DCUN1D5: variants seen among roughly 807,000 people sequenced by gnomAD.
The protein encoded by DCUN1D5 is DCN1-like protein 5.
DCUN1D5 carries 10 observed loss-of-function variants against 38.3 expected under a neutral mutation model. The observed-to-expected ratio is 0.26, with a 90% CI of 0.16 to 0.44. DCUN1D5 has a LOEUF of 0.44. DCUN1D5 is among the 20% of genes least tolerant of loss of function. The probability of loss-of-function intolerance (pLI) is 1.00; values close to 1 mark genes in which losing one functional copy is unlikely to be tolerated. For missense variants in DCUN1D5, 148 were observed against 275.3 expected, an observed-to-expected ratio of 0.54 and a Z score of 3.27; for synonymous variants, 93 against 90.9, an observed-to-expected ratio of 1.02 and a Z score of -0.13.
chr11:103,057,459 T>G lies in DCUN1D5; in HGVS notation c.*4900A>C, dbSNP rs1861900659. On this transcript the variant is annotated 3_prime_UTR_variant, in exon 8 of 8. Coordinates refer to ENST00000260247, the MANE Select transcript of DCUN1D5 (RefSeq NM_032299.4). The surrounding 1 kb of genome is among the most constrained non-coding windows in gnomAD (Gnocchi z 4.8). Reference sequence around the variant, plus strand: ...TGGCTCACACCTGTAATCCCAGCACTTTGGGAGTCTGAGGTGGGTGGGATC... The same window carrying G: ...TGGCTCACACCTGTAATCCCAGCACGTTGGGAGTCTGAGGTGGGTGGGATC... Among the ~76,000 whole-genome samples the G allele has an allele frequency of 6.6e-6, 1 of 152,024 alleles. No homozygotes were observed. Among genetic ancestry groups the G allele is most frequent in the African/African-American group, 2.4e-5 (1 of 41,374 alleles).
Position 103,057,893 on chromosome 11 carries a change from G to C in DCUN1D5, c.*4466C>G, listed in dbSNP as rs1861913108. Among the ~76,000 whole-genome samples the C allele has an allele frequency of 1.3e-5, 2 of 152,032 alleles. No homozygotes were observed. Among genetic ancestry groups the C allele is most frequent in the South Asian group, 4.1e-4 (2 of 4,824 alleles). On this transcript the variant is annotated 3_prime_UTR_variant, in exon 8 of 8. Coordinates refer to ENST00000260247, the MANE Select transcript of DCUN1D5 (RefSeq NM_032299.4). This position sits in a 1 kb window ranked among gnomAD's most constrained non-coding sequence, Gnocchi z 4.8. ...TAAAACCAAACCCATGAAGTATGTGGAAAAAATTCATTAATATCTTAAAGC... is the reference window on the plus strand; with the variant it reads ...TAAAACCAAACCCATGAAGTATGTGCAAAAAATTCATTAATATCTTAAAGC...
Position 103,091,627 on chromosome 11 carries a change from G to T in DCUN1D5, c.86+160C>A, listed in dbSNP as rs1250000608. The stretch of plus-strand genomic sequence containing the variant: ...ACACTCGAACACGAGGTCGGGTCGG[G>T]CGCGGAGACTCGCGGTGTTCGGCAC... On this transcript the variant is annotated intron_variant, in intron 1 of 7. Coordinates refer to ENST00000260247, the MANE Select transcript of DCUN1D5 (RefSeq NM_032299.4). The surrounding 1 kb of genome is among the most constrained non-coding windows in gnomAD (Gnocchi z 4.3). 8.2e-6 allele frequency: 11 copies of T among 1,337,684 alleles called. 1 individual carries two copies. In the East Asian group the frequency reaches 2.5e-4, roughly 30 times the overall value. 82.9% of individuals were successfully genotyped at this position (1,337,684 alleles called of 1,614,324 possible).
rs777082708 is a variant in DCUN1D5 at position 103,053,602 on chromosome 11, CAAAT to C, written c.*8753_*8756del. 9 of 151,370 alleles carry C rather than the reference CAAAT, an allele frequency of 5.9e-5. No homozygotes were observed. The highest frequency in any genetic ancestry group is 1.9e-4 in the East Asian group (1 of 5,144). 9.4% of individuals were successfully genotyped at this position (151,370 alleles called of 1,614,324 possible). ...ATATCATACTATCACATGTACCCCC[CAAAT>C]AAATACATTATGTATCAATGAATTT... is the stretch of plus-strand genomic sequence containing the variant. On this transcript the variant is annotated 3_prime_UTR_variant, in exon 8 of 8. Transcript: ENST00000260247. This position sits in a 1 kb window ranked among gnomAD's most constrained non-coding sequence, Gnocchi z 4.8.
rs377589968 is a variant in DCUN1D5 at position 103,091,502 on chromosome 11, G to A, written c.86+285C>T. 1 of 403,768 alleles carries A rather than the reference G, an allele frequency of 2.5e-6. No homozygotes were observed. Among genetic ancestry groups the A allele is most frequent in the Non-Finnish European group, 4.6e-6 (1 of 218,662 alleles). The allele number at this position is 403,768 out of a possible 1,614,324, so 25.0% of individuals were successfully genotyped here. A position where few individuals can be genotyped will look rare whatever the true frequency, so the allele number is the denominator to read the frequency against. Reference sequence around the variant, plus strand: ...TGTGGGGTGGGGGTGGGGGTGGGGGGAAGCGCAATTTACATATGCATCTGT... The same window carrying A: ...TGTGGGGTGGGGGTGGGGGTGGGGGAAAGCGCAATTTACATATGCATCTGT... On this transcript the variant is annotated intron_variant, in intron 1 of 7. Coordinates refer to ENST00000260247, the MANE Select transcript of DCUN1D5 (RefSeq NM_032299.4). This position sits in a 1 kb window ranked among gnomAD's most constrained non-coding sequence, Gnocchi z 4.3.
intron 4 of DCUN1D5, 116 bp downstream of exon 4, chr11:103,082,632 A>G (rs1340098843): frequency 1.4e-6 from 1 of 707,044 alleles, no homozygotes; most frequent in East Asian, 2.7e-5. Context: ...TAATTGTTAT[A>G]GATCAAACAG....
Position 103,066,181 on chromosome 11 carries a change from C to T in DCUN1D5, c.555+88G>A, listed in dbSNP as rs1188258001. On this transcript the variant is annotated intron_variant, in intron 6 of 7. Coordinates refer to ENST00000260247, the MANE Select transcript of DCUN1D5 (RefSeq NM_032299.4). The surrounding 1 kb of genome is among the most constrained non-coding windows in gnomAD (Gnocchi z 4.7). The stretch of plus-strand genomic sequence containing the variant: ...TTCTCTAAAGTTTTTTTAAAGCATA[C>T]TATTAAAAATCTACTTGTTCCTCAA... 2.6e-6 allele frequency: 2 copies of T among 783,784 alleles called. No homozygotes were observed. Among genetic ancestry groups the T allele is most frequent in the South Asian group, 5.6e-5 (2 of 35,724 alleles). The allele number at this position is 783,784 out of a possible 1,614,324, so 48.6% of individuals were successfully genotyped here. A position where few individuals can be genotyped will look rare whatever the true frequency, so the allele number is the denominator to read the frequency against.
rs142496367 is a variant in DCUN1D5, at chr11:103,079,110, C to T, written c.341+3638G>A. Among the ~76,000 whole-genome samples the T allele has an allele frequency of 1.7e-4, 26 of 152,264 alleles. No homozygotes were observed. The East Asian group carries it at 4.3e-3, about 25-fold the overall frequency. ...GCGGCATTCGATTCTCACAGGAATG[C>T]GAACCCTATTGTGAACTGTGCGTGC... On this transcript the variant is annotated intron_variant, in intron 4 of 7. Coordinates refer to ENST00000260247, the MANE Select transcript of DCUN1D5 (RefSeq NM_032299.4).
chr11:103,090,711 G>C (rs1314298963), intron 1 of DCUN1D5, among the ~76,000 whole-genome samples: 6 of 152,200 alleles, frequency 3.9e-5, no homozygotes, highest in Non-Finnish European at 7.3e-5. Context: ...AGGAGTTCAA[G>C]ACCAGCCTAG....
intron 4 of DCUN1D5, among the ~76,000 whole-genome samples, chr11:103,082,291 A>G (rs1250734505): frequency 1.3e-5 from 2 of 152,138 alleles, no homozygotes; most frequent in Non-Finnish European, 2.9e-5. Context: ...TTCACTTGGC[A>G]ATAAAGAAAT....
chr11:103,074,649 C>T (rs1006364860), intron 4 of DCUN1D5, among the ~76,000 whole-genome samples: 3 of 152,160 alleles, frequency 2.0e-5, no homozygotes, highest in Admixed American at 6.5e-5. Flanking sequence ...CGTGATTGGC[C>T]CATCTCAGCC....
At chr11:103,079,921 C>G (rs1298407593) in intron 4 of DCUN1D5, 1 of 152,156 alleles carries the variant, frequency 6.6e-6, no homozygotes, top group Non-Finnish European at 1.5e-5. Flanking sequence ...AATGGCTAGT[C>G]TAGGCCAGTT....
In DCUN1D5 at chr11:103,068,740, C is replaced by G. The variant is rs192763118; in HGVS notation, c.342-2173G>C. ...TAAAAGATAACTGTTGAGTACTAGG[C>G]TTAATACCTGGGTAATGAAATAATC... On this transcript the variant is annotated intron_variant, in intron 4 of 7. Coordinates refer to ENST00000260247, the MANE Select transcript of DCUN1D5 (RefSeq NM_032299.4). 1.3e-3 allele frequency among the ~76,000 whole-genome samples: 199 copies of G among 151,892 alleles called. 1 individual carries two copies. The highest frequency in any genetic ancestry group is 4.7e-3 in the African/African-American group (195 of 41,434).
At chr11:103,075,069 A>C (rs1172986100) in intron 4 of DCUN1D5, among the ~76,000 whole-genome samples, 1 of 152,202 alleles carries the variant, frequency 6.6e-6, no homozygotes, top group Non-Finnish European at 1.5e-5. Context: ...ATGGAGGACG[A>C]GGAATTCTCT....
intron 4 of DCUN1D5, among the ~76,000 whole-genome samples, chr11:103,079,067 C>T (rs555161726): frequency 6.6e-6 from 1 of 152,234 alleles, no homozygotes; most frequent in Non-Finnish European, 1.5e-5. Context: ...AGCATATCCA[C>T]CTCCTGTCAG....
At chr11:103,067,332 ATC>A (rs1160272761) in intron 4 of DCUN1D5, among the ~76,000 whole-genome samples, 3 of 152,188 alleles carry the variant, frequency 2.0e-5, no homozygotes, top group Admixed American at 6.5e-5. Flanking sequence ...CTCTAGTTTC[ATC>A]TCCTGCCACT....
In DCUN1D5 at chr11:103,086,618, C is replaced by T. The variant is rs949161525; in HGVS notation, c.178+2609G>A. The stretch of plus-strand genomic sequence containing the variant: ...CTCCCCACAATCTGTACTTATCTTG[C>T]CTACATACCTGTTTACTGACTGTCT... On this transcript the variant is annotated intron_variant, in intron 2 of 7. Coordinates refer to ENST00000260247, the MANE Select transcript of DCUN1D5 (RefSeq NM_032299.4). This position sits in a 1 kb window ranked among gnomAD's most constrained non-coding sequence, Gnocchi z 4.1. Among the ~76,000 whole-genome samples, 1 of 152,080 alleles carries T rather than the reference C, an allele frequency of 6.6e-6. No homozygotes were observed. The highest frequency in any genetic ancestry group is 1.5e-5 in the Non-Finnish European group (1 of 68,014).
In DCUN1D5 at chr11:103,056,914, T is replaced by C. The variant is rs1258733143; in HGVS notation, c.*5445A>G. 6.6e-6 allele frequency among the ~76,000 whole-genome samples: 1 copy of C among 152,196 alleles called. No homozygotes were observed. Among genetic ancestry groups the C allele is most frequent in the African/African-American group, 2.4e-5 (1 of 41,456 alleles). ...CTAAGTGCTGTGGATAGGGCCTATT[T>C]GAACTTCGTAACAATACTGGTAGGT... On this transcript the variant is annotated 3_prime_UTR_variant, in exon 8 of 8. Coordinates refer to ENST00000260247, the MANE Select transcript of DCUN1D5 (RefSeq NM_032299.4). This position sits in a 1 kb window ranked among gnomAD's most constrained non-coding sequence, Gnocchi z 4.9.
rs779316209 is a variant in DCUN1D5 at position 103,066,427 on chromosome 11, T to C, written c.450+32A>G. On this transcript the variant is annotated intron_variant, in intron 5 of 7. Transcript: ENST00000260247. This position sits in a 1 kb window ranked among gnomAD's most constrained non-coding sequence, Gnocchi z 4.7. ...AGTGTGGTCTCAAGATGAAAAGCTA[T>C]TAAAACAACAAAACAAGAAAATTGC... 1.3e-5 allele frequency: 20 copies of C among 1,593,890 alleles called. No individual in the cohort carries two copies. The highest frequency in any genetic ancestry group is 1.7e-5 in the Admixed American group (1 of 58,594).
chr11:103,051,672 TACAA>T lies in DCUN1D5; in HGVS notation c.*10683_*10686del, dbSNP rs1304234415. The T allele has an allele frequency of 3.3e-5, 5 of 152,210 alleles. No individual in the cohort carries two copies. The highest frequency in any genetic ancestry group is 1.2e-4 in the African/African-American group (5 of 41,450). The allele number at this position is 152,210 out of a possible 1,614,324, so 9.4% of individuals were successfully genotyped here. A position where few individuals can be genotyped will look rare whatever the true frequency, so the allele number is the denominator to read the frequency against. On this transcript the variant is annotated 3_prime_UTR_variant, in exon 8 of 8. Transcript: ENST00000260247. The stretch of plus-strand genomic sequence containing the variant: ...TAGCATTAGGTTTTACTTAGCATTT[TACAA>T]ACACTTTTAAGTACAATATCAATAT...
Sources: allele counts gnomAD v4.1 joint callset (sites outside exome capture counted in the v4.1 genomes callset), GRCh38; gene constraint gnomAD v4.1.1; non-coding constraint Gnocchi (gnomAD v3.1); transcripts MANE v1.5; gene names NCBI Gene and HGNC (gene_info 2026-07-23, HGNC 2026-07-21).